MAP4K5: variants seen among roughly 807,000 people sequenced by gnomAD.
MAP4K5 encodes the protein mitogen-activated protein kinase kinase kinase kinase 5, also known as MAPK/ERK kinase kinase kinase 5.
Under a neutral mutation model 135.6 loss-of-function variants are expected in MAP4K5, and 82 were observed. The observed-to-expected ratio is 0.60, with a 90% CI of 0.51 to 0.73. The LOEUF is 0.73. Among genes scored for constraint, MAP4K5 ranks in the 30% least tolerant of loss-of-function variants. MAP4K5 has a pLI of 0.00. For missense variants in MAP4K5, 907 were observed against 1,010.9 expected (o/e 0.90, Z 1.39); for synonymous variants, 347 against 335.0 (o/e 1.04, Z -0.39).
At chr14:50,483,428 G>T (rs756559999) in intron 5 of MAP4K5, among the ~76,000 whole-genome samples, 5 of 152,036 alleles carry the variant, frequency 3.3e-5, no homozygotes, top group African/African-American at 1.2e-4. Flanking sequence ...TTCACCTAGA[G>T]AAATTTCTAC....
chr14:50,474,986 TAA>T (rs2037063445), intron 9 of MAP4K5, 89 bp downstream of exon 9: 2 of 1,125,284 alleles, frequency 1.8e-6, no homozygotes, highest in Middle Eastern at 2.2e-4. Context: ...TCCCTACTTT[TAA>T]TTATTACTTC....
intron 2 of MAP4K5, among the ~76,000 whole-genome samples, chr14:50,506,025 A>G (rs1412272981): frequency 1.3e-5 from 2 of 152,224 alleles, no homozygotes; most frequent in African/African-American, 4.8e-5. Flanking sequence ...GTGGTACATC[A>G]TATGTGGAAA....
intron 30 of MAP4K5, among the ~76,000 whole-genome samples, chr14:50,426,609 A>C (rs1434756009): frequency 6.6e-6 from 1 of 152,186 alleles, no homozygotes; most frequent in Non-Finnish European, 1.5e-5. Flanking sequence ...CTGTAGCCCC[A>C]GCTACTCAGG....
At chr14:50,478,453 T>C (rs927703746) in intron 6 of MAP4K5, among the ~76,000 whole-genome samples, 3 of 152,142 alleles carry the variant, frequency 2.0e-5, no homozygotes, top group African/African-American at 7.2e-5. Context: ...TTACTTTGCA[T>C]TATATTTGCT....
upstream of MAP4K5, among the ~76,000 whole-genome samples, chr14:50,535,598 AGG>A (rs10587449): frequency 0.84 from 127,583 of 152,110 alleles, 55,511 homozygotes; most frequent in Non-Finnish European, 0.94. Context: ...TTTACTAATT[AGG>A]GCCACTTGTC....
chr14:50,544,262 A>G (rs142690900), intron 1 of MAP4K5, among the ~76,000 whole-genome samples: 1 of 152,238 alleles, frequency 6.6e-6, no homozygotes, highest in Non-Finnish European at 1.5e-5. Flanking sequence ...AGTGGAAGCC[A>G]TGATGATCAC....
chr14:50,542,006 CAAAAAAAAAAAAAAAAAAAAAAAAA>C (rs59075218), intron 2 of MAP4K5, among the ~76,000 whole-genome samples: 22,954 of 62,456 alleles, frequency 0.37, 3,088 homozygotes, highest in Middle Eastern at 0.49. Context: ...GATTCCGTCT[CAAAAAAAAAAAAAAAAAAAAAAAAA>C]AAAAAAAAAA....
intron 3 of MAP4K5, among the ~76,000 whole-genome samples, chr14:50,494,178 AT>A (rs2037545815): frequency 1.3e-5 from 2 of 150,736 alleles, no homozygotes; most frequent in African/African-American, 2.4e-5. Context: ...TTATTTATTT[AT>A]TTTTTTTGAG....
In MAP4K5 at chr14:50,485,564, C is replaced by A; in HGVS notation, c.322+14G>T. 1 of 1,493,358 alleles carries A rather than the reference C, an allele frequency of 6.7e-7. No individual in the cohort carries two copies. Among genetic ancestry groups the A allele is most frequent in the Non-Finnish European group, 9.1e-7 (1 of 1,099,872 alleles). The allele number at this position is 1,493,358 out of a possible 1,614,324, so 92.5% of individuals were successfully genotyped here. The stretch of plus-strand genomic sequence containing the variant: ...CCAAAGTCTGTTTAAAATGTAAAGT[C>A]AAATTAACAGTACCATGGTAAATAT... On this transcript the variant is annotated intron_variant, in intron 5 of 32. Coordinates refer to ENST00000682126, the MANE Select transcript of MAP4K5 (RefSeq NM_006575.6).
intron 2 of MAP4K5, among the ~76,000 whole-genome samples, chr14:50,510,180 C>A (rs2180494): frequency 0.84 from 128,074 of 152,160 alleles, 55,418 homozygotes; most frequent in Non-Finnish European, 0.93. Context: ...TTCTCGGTTA[C>A]CAATTATTAA....
intron 27 of MAP4K5, 48 bp downstream of exon 27, chr14:50,434,914 A>G (rs1025267345): frequency 3.5e-6 from 4 of 1,132,092 alleles, no homozygotes; most frequent in Non-Finnish European, 5.2e-6. Context: ...CTTCAGTTAT[A>G]CACTAGTGTT....
upstream of MAP4K5, among the ~76,000 whole-genome samples, chr14:50,534,124 A>AT (rs1004325303): frequency 3.3e-5 from 5 of 152,012 alleles, no homozygotes; most frequent in Non-Finnish European, 7.4e-5. Context: ...TTCATTTGAG[A>AT]TTTTTTTCCT....
At chr14:50,439,560 C>A (rs2036177591) in intron 23 of MAP4K5, among the ~76,000 whole-genome samples, 1 of 152,124 alleles carries the variant, frequency 6.6e-6, no homozygotes, top group Non-Finnish European at 1.5e-5. Context: ...ATTTAACTCT[C>A]ACAACCTCAT....
At chr14:50,504,458 C>T (rs1410155723) in intron 3 of MAP4K5, among the ~76,000 whole-genome samples, 1 of 152,114 alleles carries the variant, frequency 6.6e-6, no homozygotes, top group Non-Finnish European at 1.5e-5. Flanking sequence ...AAACAAATGT[C>T]ATTATCCCAA....
At chr14:50,517,570 C>G (rs2038060187) in intron 2 of MAP4K5, among the ~76,000 whole-genome samples, 1 of 151,984 alleles carries the variant, frequency 6.6e-6, no homozygotes, top group Non-Finnish European at 1.5e-5. Context: ...GAGTTCAAGA[C>G]CATCCTGGTC....
In MAP4K5 at chr14:50,456,174, A is replaced by T. The variant is rs79641303; in HGVS notation, c.1015+342T>A. On this transcript the variant is annotated intron_variant, in intron 14 of 32. Transcript: ENST00000682126. ...TTTTATGCATAGCATAAATTCAGCC[A>T]TGTAAAAATACACATGGAAAATGAA... 1.7e-5 allele frequency: 5 copies of T among 294,228 alleles called. No homozygotes were observed. In the East Asian group the frequency reaches 4.7e-4, roughly 28 times the overall value. 18.2% of individuals were successfully genotyped at this position (294,228 alleles called of 1,614,324 possible). A position where few individuals can be genotyped will look rare whatever the true frequency, so the allele number is the denominator to read the frequency against.
chr14:50,447,542 TGATTC>T, intron 15 of MAP4K5, 61 bp from the exon 16 acceptor site: 2 of 936,540 alleles, frequency 2.1e-6, no homozygotes, highest in South Asian at 1.6e-5. Context: ...CCATTTTATT[TGATTC>T]AAGAAAACAT....
chr14:50,559,960 T>A lies in MAP4K5; in HGVS notation c.-180+1080A>T, dbSNP rs1197672106. ...GGGGTGCTGTTTATTTGTTTGTGTT[T>A]TCCGTTGAAAATGTTGCGGTACGTG... On this transcript the variant is annotated intron_variant, in intron 1 of 8. Coordinates refer to the MAP4K5 transcript ENST00000555216. 4 of 470,116 alleles carry A rather than the reference T, an allele frequency of 8.5e-6. No individual in the cohort carries two copies. In the Admixed American group the frequency reaches 1.4e-4, roughly 16 times the overall value. 29.1% of individuals were successfully genotyped at this position (470,116 alleles called of 1,614,324 possible).
At chr14:50,527,077 C>A (rs2038281880) in intron 2 of MAP4K5, among the ~76,000 whole-genome samples, 1 of 152,276 alleles carries the variant, frequency 6.6e-6, no homozygotes, top group African/African-American at 2.4e-5. Context: ...TGTGGTGGCT[C>A]ACCCTGTAAT....
Sources: allele counts gnomAD v4.1 joint callset (sites outside exome capture counted in the v4.1 genomes callset), GRCh38; gene constraint gnomAD v4.1.1; transcripts MANE v1.5; gene names NCBI Gene and HGNC (gene_info 2026-07-23, HGNC 2026-07-21).